CROCC2: variants seen among roughly 807,000 people sequenced by gnomAD.
The protein encoded by CROCC2 is ciliary rootlet coiled-coil, rootletin family member 2.
CROCC2 carries 163 observed loss-of-function variants against 177.6 expected under a neutral mutation model. The ratio of observed to expected loss-of-function variants is 0.92; its 90% confidence interval spans 0.81 to 1.05. The LOEUF (loss-of-function observed/expected upper bound fraction) is 1.05, where lower values mean the gene tolerates loss of function less well. CROCC2 is among the 50% of genes least tolerant of loss of function. The pLI is 0.00. For synonymous variants in CROCC2, 904 were observed against 787.3 expected (o/e 1.15, Z -2.48); for missense variants, 1,929 against 1,797.8 (o/e 1.07, Z -1.32).
intron 1 of CROCC2, among the ~76,000 whole-genome samples, chr2:240,913,539 T>C (rs1179333077): frequency 6.6e-6 from 1 of 152,228 alleles, no homozygotes; most frequent in African/African-American, 2.4e-5. Context: ...AGCATTGTGT[T>C]GGTGGCATAG....
chr2:240,989,869 G>A lies in CROCC2; in HGVS notation c.4863+36G>A, dbSNP rs528790476. On this transcript the variant is annotated intron_variant, in intron 30 of 31. Coordinates refer to ENST00000690015, the MANE Select transcript of CROCC2 (RefSeq NM_001351305.2). ...GACCCCAGCCCCCTGGGTGAGGGAA[G>A]AGGCAGGGACAGAGGACTGGCATCC... The A allele has an allele frequency of 4.4e-5, 66 of 1,512,780 alleles. No homozygotes were observed. The South Asian group carries it at 8.1e-4, about 19-fold the overall frequency. The allele number at this position is 1,512,780 out of a possible 1,614,324, so 93.7% of individuals were successfully genotyped here.
chr2:240,921,925 G>A (rs1016704406), intron 3 of CROCC2, among the ~76,000 whole-genome samples: 6 of 152,232 alleles, frequency 3.9e-5, no homozygotes, highest in Admixed American at 1.3e-4. Context: ...TCTTGGCCCA[G>A]TGGTGGCAGA....
At chr2:240,945,781 G>A (rs866157353) in intron 14 of CROCC2, among the ~76,000 whole-genome samples, 2 of 151,940 alleles carry the variant, frequency 1.3e-5, no homozygotes, top group African/African-American at 4.8e-5. Flanking sequence ...GACACTGGAG[G>A]ACCAACAAAT....
At chr2:240,943,501 A>G (rs1020296823) in intron 14 of CROCC2, among the ~76,000 whole-genome samples, 1 of 128,290 alleles carries the variant, frequency 7.8e-6, no homozygotes, top group Non-Finnish European at 1.7e-5. Flanking sequence ...TTTTTTTTTA[A>G]TTTTTAAGCA....
In CROCC2 at chr2:240,925,808, G is replaced by A. The variant is rs1227841208; in HGVS notation, c.573G>A (p.Glu191=). Residue 191 remains glutamate (E), a synonymous_variant, in exon 5 of 32, where the codon GAG becomes GAA. Coordinates refer to ENST00000690015, the MANE Select transcript of CROCC2 (RefSeq NM_001351305.2). ...AGGCCAATGACGCGCTGGGCCGGGA[G>A]CTGGCCGGGATGACGGGCAGCGTGC... is the stretch of plus-strand genomic sequence containing the variant. ...MKKANDALGR[E]LAGMTGSVQR... The A allele has an allele frequency of 1.4e-6, 1 of 716,924 alleles. No individual in the cohort carries two copies. The highest frequency in any genetic ancestry group is 2.0e-5 in the Admixed American group (1 of 50,018). 44.4% of individuals were successfully genotyped at this position (716,924 alleles called of 1,614,324 possible). A position where few individuals can be genotyped will look rare whatever the true frequency, so the allele number is the denominator to read the frequency against.
At chr2:240,968,991 C>T (rs1167613151) in intron 27 of CROCC2, among the ~76,000 whole-genome samples, 1 of 152,224 alleles carries the variant, frequency 6.6e-6, no homozygotes, top group Non-Finnish European at 1.5e-5. Flanking sequence ...ACAACTGTTC[C>T]GCTCCAGAGA....
chr2:240,961,569 ACT>A lies in CROCC2; in HGVS notation c.3088-1985_3088-1984del, dbSNP rs1320483750. ...ACACACACACTCATCACACTCACAC[ACT>A]CATCACACATACACTCACACACACA... On this transcript the variant is annotated intron_variant, in intron 20 of 31. Transcript: ENST00000690015. Among the ~76,000 whole-genome samples, 23 of 138,086 alleles carry A rather than the reference ACT, an allele frequency of 1.7e-4. No homozygotes were observed. The East Asian group carries it at 4.0e-3, about 24-fold the overall frequency. 90.6% of individuals were successfully genotyped at this position (138,086 alleles called of 152,430 possible). A position where few individuals can be genotyped will look rare whatever the true frequency, so the allele number is the denominator to read the frequency against.
At chr2:240,943,861 G>A (rs1470794274) in intron 14 of CROCC2, among the ~76,000 whole-genome samples, 3 of 152,128 alleles carry the variant, frequency 2.0e-5, no homozygotes, top group Admixed American at 1.3e-4. Context: ...GAAATCTGTT[G>A]TATTCATAGA....
chr2:240,968,198 G>A lies in CROCC2; in HGVS notation c.4337G>A (p.Arg1446His), dbSNP rs556556845. 714 of 1,532,942 alleles carry A rather than the reference G, an allele frequency of 4.7e-4. 3 individuals are homozygous for A. In the African/African-American group the frequency reaches 6.8e-3, roughly 15 times the overall value. The allele number at this position is 1,532,942 out of a possible 1,614,324, so 95.0% of individuals were successfully genotyped here. The change falls in exon 27 of 32, where the codon CGC (arginine) becomes CAC (histidine). Residue 1446 changes from arginine (R) to histidine (H), a missense_variant. This residue lies in a region of CROCC2 where 388 missense variants were observed against 352.7 expected (regional missense o/e 1.10). Coordinates refer to ENST00000690015, the MANE Select transcript of CROCC2 (RefSeq NM_001351305.2). The stretch of plus-strand genomic sequence containing the variant: ...CGTGCCCTGCAGAAGGAGGCGCTCC[G>A]CAGGCTGGAGTTGGAGCACCTGGCG... ...AARALQKEAL[R>H]RLELEHLASV... is the part of the protein sequence containing the mutation.
At position 240,934,902 on chromosome 2, in the gene CROCC2, C is replaced by T. The variant is rs1213733111; in HGVS notation, c.1792-14C>T. The T allele has an allele frequency of 6.7e-7, 1 of 1,487,028 alleles. No individual in the cohort carries two copies. Among genetic ancestry groups the T allele is most frequent in the African/African-American group, 1.4e-5 (1 of 69,682 alleles). 92.1% of individuals were successfully genotyped at this position (1,487,028 alleles called of 1,614,324 possible). A position where few individuals can be genotyped will look rare whatever the true frequency, so the allele number is the denominator to read the frequency against. Reference sequence around the variant, plus strand: ...GCTGAAGGTCCCTCCCTGGCATCCCCCTCCCTGCCCCAGGCCGAGTGCAGC... The same window carrying T: ...GCTGAAGGTCCCTCCCTGGCATCCCTCTCCCTGCCCCAGGCCGAGTGCAGC... On this transcript the variant is annotated splice_polypyrimidine_tract_variant and intron_variant, in intron 12 of 31. Coordinates refer to ENST00000690015, the MANE Select transcript of CROCC2 (RefSeq NM_001351305.2).
chr2:240,934,242 G>T, intron 11 of CROCC2, 89 bp from the exon 12 acceptor site: 1 of 1,423,674 alleles, frequency 7.0e-7, no homozygotes. Flanking sequence ...GGGCTTGGAG[G>T]GAGTTGCAGG....
chr2:240,914,358 A>G (rs1486454280), intron 1 of CROCC2, among the ~76,000 whole-genome samples: 1 of 152,148 alleles, frequency 6.6e-6, no homozygotes, highest in Non-Finnish European at 1.5e-5. Context: ...GGATGTGAAA[A>G]CGTTTGCAAG....
At chr2:240,951,555 C>T (rs2059557046) in intron 18 of CROCC2, among the ~76,000 whole-genome samples, 1 of 152,166 alleles carries the variant, frequency 6.6e-6, no homozygotes, top group African/African-American at 2.4e-5. Context: ...CATGCATCCA[C>T]ATTCGTAGCT....
At chr2:240,983,991 T>C (rs1267016017) in intron 28 of CROCC2, among the ~76,000 whole-genome samples, 2 of 152,032 alleles carry the variant, frequency 1.3e-5, no homozygotes. Flanking sequence ...ACCTCCCCTC[T>C]CAACGCTCAC....
rs140377988 is a variant in CROCC2 at position 240,972,366 on chromosome 2, C to T, written c.4401+4104C>T. Among the ~76,000 whole-genome samples, 620 of 152,106 alleles carry T rather than the reference C, an allele frequency of 4.1e-3. 3 individuals carry two copies. Among genetic ancestry groups the T allele is most frequent in the African/African-American group, 0.013 (533 of 41,480 alleles). Reference sequence around the variant, plus strand: ...CCTGAAGTGGGCGGGGTGGGAGCGGCGCTCTCCGGTGCACGGTCACGGTGC... The same window carrying T: ...CCTGAAGTGGGCGGGGTGGGAGCGGTGCTCTCCGGTGCACGGTCACGGTGC... On this transcript the variant is annotated intron_variant, in intron 27 of 31. Coordinates refer to ENST00000690015, the MANE Select transcript of CROCC2 (RefSeq NM_001351305.2). The surrounding 1 kb of genome is among the most constrained non-coding windows in gnomAD (Gnocchi z 7.1).
intron 2 of CROCC2, among the ~76,000 whole-genome samples, 176 bp downstream of exon 2, chr2:240,919,052 C>T (rs1219816652): frequency 1.6e-4 from 6 of 37,502 alleles, no homozygotes; most frequent in Non-Finnish European, 2.7e-4. Context: ...AAGGTGATGG[C>T]GTGGGGGACG....
intron 27 of CROCC2, among the ~76,000 whole-genome samples, chr2:240,980,020 A>G (rs373481508): frequency 2.6e-3 from 65 of 25,366 alleles, no homozygotes; most frequent in South Asian, 5.4e-3. Context: ...TCCCTGCTCA[A>G]GCTCTGGGGT....
intron 20 of CROCC2, among the ~76,000 whole-genome samples, chr2:240,962,006 TCACC>T (rs1184598489): frequency 1.2e-4 from 8 of 65,282 alleles, no homozygotes; most frequent in African/African-American, 2.7e-4. Flanking sequence ...CACACACTCA[TCACC>T]CACACACACA....
At chr2:240,912,768 T>G (rs927431881) in intron 1 of CROCC2, among the ~76,000 whole-genome samples, 6 of 152,204 alleles carry the variant, frequency 3.9e-5, no homozygotes, top group African/African-American at 9.6e-5. Flanking sequence ...GCACCAACGT[T>G]CTAATCGTGC....
Sources: gnomAD v4.1 joint callset for allele counts (sites outside exome capture counted in the v4.1 genomes callset) on GRCh38, gnomAD v4.1.1 for gene constraint, gnomAD v4.1.1 regional missense constraint, Gnocchi (gnomAD v3.1) non-coding constraint, MANE v1.5 for transcripts, NCBI Gene and HGNC (gene_info 2026-07-23, HGNC 2026-07-21) for gene names.